DUSP15: variants seen among roughly 807,000 people sequenced by gnomAD.
DUSP15 encodes dual specificity protein phosphatase 15.
A neutral mutation model predicts 26.3 loss-of-function variants in DUSP15; 23 were observed. The ratio of observed to expected loss-of-function variants is 0.87; its 90% CI spans 0.63 to 1.24. The LOEUF (loss-of-function observed/expected upper bound fraction) is 1.24, where lower values mean the gene tolerates loss of function less well. DUSP15 is among the 50% of genes most tolerant of loss of function. The probability of loss-of-function intolerance (pLI) is 0.00; values close to 1 mark genes in which losing one functional copy is unlikely to be tolerated. For missense variants in DUSP15, 364 were observed against 320.6 expected, an observed-to-expected ratio of 1.14 and a Z score of -1.03; for synonymous variants, 143 against 135.5, an observed-to-expected ratio of 1.06 and a Z score of -0.39.
intron 6 of DUSP15, among the ~76,000 whole-genome samples, chr20:31,850,865 G>A (rs1264306379): frequency 6.6e-6 from 1 of 152,158 alleles, no homozygotes; most frequent in Non-Finnish European, 1.5e-5. Flanking sequence ...GCCACTCCTT[G>A]TCCTCATCCT....
chr20:31,861,190 C>A lies in DUSP15; in HGVS notation c.*213G>T. 3.0e-6 allele frequency: 4 copies of A among 1,350,764 alleles called. No homozygotes were observed. Among genetic ancestry groups the A allele is most frequent in the Non-Finnish European group, 3.8e-6 (4 of 1,058,312 alleles). 83.7% of individuals were successfully genotyped at this position (1,350,764 alleles called of 1,614,324 possible). Reference sequence around the variant, plus strand: ...CTCCCCCAGCCCAAGGACTAAGGCACCAGGTGGCTGCAGCAGGCCGGCCCG... The same window carrying A: ...CTCCCCCAGCCCAAGGACTAAGGCAACAGGTGGCTGCAGCAGGCCGGCCCG... On this transcript the variant is annotated 3_prime_UTR_variant, in exon 7 of 7. Transcript: ENST00000339738.
downstream of DUSP15, among the ~76,000 whole-genome samples, chr20:31,860,596 C>T (rs2062628691): frequency 6.6e-6 from 1 of 152,182 alleles, no homozygotes; most frequent in Non-Finnish European, 1.5e-5. Context: ...TTTCCCTGCT[C>T]TGGCTGTGTG....
In DUSP15 at chr20:31,861,506, G is replaced by T. The variant is rs773978994; in HGVS notation, c.605C>A (p.Pro202Gln). 4 of 1,528,726 alleles carry T rather than the reference G, an allele frequency of 2.6e-6. No individual in the cohort carries two copies. In the Admixed American group the frequency reaches 6.0e-5, roughly 23 times the overall value. The allele number at this position is 1,528,726 out of a possible 1,614,324, so 94.7% of individuals were successfully genotyped here. ...ASEGTVQRLV[P>Q]RTPREAHRPL... ...CCGGTGGGCTTCCCGGGGCGTGCGCGGCACCAGGCGCTGCACGGTTCCCTC... is the reference window on the plus strand; with the variant it reads ...CCGGTGGGCTTCCCGGGGCGTGCGCTGCACCAGGCGCTGCACGGTTCCCTC... Residue 202 changes from proline to glutamine, a missense_variant, in exon 7 of 7, where the codon CCG (proline) becomes CAG (glutamine). By Grantham distance (76) the Pro-to-Gln change is moderately conservative. Coordinates refer to ENST00000339738, the MANE Select transcript of DUSP15 (RefSeq NM_080611.5).
intron 5 of DUSP15, 182 bp downstream of exon 5, chr20:31,863,725 C>T (rs1375029791): frequency 1.7e-6 from 1 of 594,778 alleles, no homozygotes; most frequent in East Asian, 2.8e-5. Flanking sequence ...TATGGCCACA[C>T]AGCTCATAAG....
downstream of DUSP15, chr20:31,860,991 C>T: frequency 9.9e-7 from 1 of 1,012,186 alleles, no homozygotes; most frequent in South Asian, 4.5e-5. Flanking sequence ...CTGCAGGCTG[C>T]TGGCCCCTGG....
intron 9 of DUSP15, chr20:31,848,761 G>A (rs781429808): frequency 1.2e-4 from 191 of 1,574,128 alleles, no homozygotes; most frequent in Non-Finnish European, 1.6e-4. Context: ...GTCTGGAGGG[G>A]ACTGGAGGGC....
intron 7 of DUSP15, among the ~76,000 whole-genome samples, chr20:31,850,102 C>T (rs923161773): frequency 6.6e-6 from 1 of 152,182 alleles, no homozygotes; most frequent in Admixed American, 6.5e-5. Context: ...CGGTTAAAAG[C>T]TGGGGCCATC....
chr20:31,861,600 G>A lies in DUSP15; in HGVS notation c.511C>T (p.Leu171=), dbSNP rs1450484755. The A allele has an allele frequency of 1.3e-6, 2 of 1,493,538 alleles. No individual in the cohort carries two copies. Among genetic ancestry groups the A allele is most frequent in the Non-Finnish European group, 1.8e-6 (2 of 1,130,156 alleles). The allele number at this position is 1,493,538 out of a possible 1,614,324, so 92.5% of individuals were successfully genotyped here. ...GAGCCCTGCCGGCAGCGCTTGCACA[G>A]CGGCAGCAGCGCGCGCAACTCCTCC... ...DEEELRALLP[L]CKRCRQGSAT... The change falls in exon 7 of 7, where the codon CTG becomes TTG. Residue 171 remains leucine, a synonymous_variant. Coordinates refer to ENST00000339738, the MANE Select transcript of DUSP15 (RefSeq NM_080611.5).
rs755644653 is a variant in DUSP15 at position 31,848,384 on chromosome 20, C to T, written c.*20G>A. The stretch of plus-strand genomic sequence containing the variant: ...GCAGGGTTGGGTGGGAGTAGGGAGC[C>T]CCCCTGTTGGGGGCTGCCTTCAGCG... On this transcript the variant is annotated 3_prime_UTR_variant, in exon 10 of 10. Transcript: ENST00000278979. 20 of 1,606,754 alleles carry T rather than the reference C, an allele frequency of 1.2e-5. No individual in the cohort carries two copies. In the South Asian group the frequency reaches 1.4e-4, roughly 12 times the overall value.
chr20:31,855,233 T>A (rs2062541595), intron 6 of DUSP15, among the ~76,000 whole-genome samples: 1 of 152,154 alleles, frequency 6.6e-6, no homozygotes, highest in African/African-American at 2.4e-5. Context: ...AGGCAGAGAA[T>A]TGCCTTGTTT....
downstream of DUSP15, among the ~76,000 whole-genome samples, chr20:31,857,836 A>G (rs73241784): frequency 7.9e-5 from 12 of 152,286 alleles, no homozygotes; most frequent in African/African-American, 2.9e-4. Flanking sequence ...TGGGAGCACC[A>G]AAAAGTTTCC....
intron 6 of DUSP15, among the ~76,000 whole-genome samples, chr20:31,852,958 G>C (rs1025777348): frequency 6.6e-6 from 1 of 152,174 alleles, no homozygotes; most frequent in African/African-American, 2.4e-5. Flanking sequence ...GCTTGCCCTT[G>C]TGCACCATCC....
At chr20:31,870,587 TG>T, upstream of DUSP15, 2 of 1,418,204 alleles carry the variant, frequency 1.4e-6, no homozygotes. This position sits in a 1 kb window ranked among gnomAD's most constrained non-coding sequence, Gnocchi z 6.6. Flanking sequence ...CCTTCGGTCA[TG>T]TGGGGCCCCC....
exon 10 of DUSP15, chr20:31,848,486 G>C (rs912015783): frequency 6.2e-6 from 10 of 1,611,982 alleles, no homozygotes; most frequent in Non-Finnish European, 7.6e-6. Context: ...GGGGTTGCCA[G>C]GGGTTGAGGA....
intron 6 of DUSP15, among the ~76,000 whole-genome samples, chr20:31,852,024 T>C (rs2062478385): frequency 1.6e-5 from 2 of 128,134 alleles, no homozygotes; most frequent in Non-Finnish European, 3.4e-5. Context: ...TTTTTTTTTT[T>C]GAGATGGAGT....
chr20:31,855,979 G>A (rs780253694), intron 6 of DUSP15, among the ~76,000 whole-genome samples: 1 of 152,178 alleles, frequency 6.6e-6, no homozygotes, highest in African/African-American at 2.4e-5. Flanking sequence ...GGAACAGGTG[G>A]TATTTGGTTA....
chr20:31,862,680 A>G lies in DUSP15; in HGVS notation c.326T>C (p.Leu109Pro), dbSNP rs539746255. 6.2e-7 allele frequency: 1 copy of G among 1,614,138 alleles called. No homozygotes were observed. The highest frequency in any genetic ancestry group is 1.7e-4 in the Middle Eastern group (1 of 6,058). ...VTAYVMTVTG[L>P]GWRDVLEAIK... is the part of the protein sequence containing the mutation. The stretch of plus-strand genomic sequence containing the variant: ...GGCTTCAAGCACGTCCCGCCAGCCT[A>G]GCCCCGTCACAGTCATCACATACGC... The change falls in exon 6 of 7, where the codon CTA becomes CCA. Residue 109 changes from leucine to proline, a missense_variant. Transcript: ENST00000339738.
At chr20:31,862,533 C>T (rs2062682582) in intron 6 of DUSP15, 38 bp downstream of exon 6, 14 of 1,542,904 alleles carry the variant, frequency 9.1e-6, no homozygotes, top group Non-Finnish European at 1.1e-5. Context: ...AAGGATCTCC[C>T]ACCCCTGGCC....
chr20:31,869,649 A>AC lies in DUSP15; in HGVS notation c.22-53dup, dbSNP rs753466051. ...TGGGGCAGGGGCTGCACCCCCTTCC[A>AC]CCCCCAGGGCAGCTGGGGGGCCCAC... On this transcript the variant is annotated intron_variant, in intron 1 of 6. Transcript: ENST00000339738. 18 of 1,605,086 alleles carry AC rather than the reference A, an allele frequency of 1.1e-5. No individual in the cohort carries two copies. The African/African-American group carries it at 1.9e-4, about 17-fold the overall frequency.
Sources: gnomAD v4.1 joint callset for allele counts (sites outside exome capture counted in the v4.1 genomes callset) on GRCh38, gnomAD v4.1.1 for gene constraint, Gnocchi (gnomAD v3.1) non-coding constraint, MANE v1.5 for transcripts, NCBI Gene and HGNC (gene_info 2026-07-23, HGNC 2026-07-21) for gene names.